CDH12: variants seen among roughly 807,000 people sequenced by gnomAD.
The protein encoded by CDH12 is cadherin-12.
Under a neutral mutation model 74.1 loss-of-function variants are expected in CDH12, and 41 were observed. The ratio of observed to expected loss-of-function variants is 0.55; its 90% CI spans 0.43 to 0.72. CDH12 has a LOEUF of 0.72. Among genes scored for constraint, CDH12 ranks in the 30% least tolerant of loss-of-function variants. CDH12 has a pLI of 0.00. For missense variants in CDH12, 945 were observed against 977.2 expected (o/e 0.97, Z 0.44); for synonymous variants, 399 against 355.0 (o/e 1.12, Z -1.39).
At chr5:22,428,474 G>GTGTA (rs1341482784) in intron 2 of CDH12, among the ~76,000 whole-genome samples, 1 of 151,986 alleles carries the variant, frequency 6.6e-6, no homozygotes, top group Non-Finnish European at 1.5e-5. Flanking sequence ...ATGTATGTGT[G>GTGTA]TGTATGTGTT....
intron 4 of CDH12, among the ~76,000 whole-genome samples, chr5:22,115,666 A>G (rs187217991): frequency 2.0e-5 from 3 of 148,258 alleles, no homozygotes; most frequent in Non-Finnish European, 4.5e-5. Flanking sequence ...TGACAAGGAT[A>G]GGCACAATTT....
chr5:21,913,053 G>A (rs942002326), intron 6 of CDH12, among the ~76,000 whole-genome samples: 5 of 152,092 alleles, frequency 3.3e-5, no homozygotes, highest in African/African-American at 1.2e-4. Flanking sequence ...ATGTTGGCCA[G>A]ACTGACCTCA....
chr5:22,492,421 C>T (rs1253705401), intron 2 of CDH12, among the ~76,000 whole-genome samples: 1 of 150,946 alleles, frequency 6.6e-6, no homozygotes, highest in Non-Finnish European at 1.5e-5. Flanking sequence ...GACTTTGGCT[C>T]ACTGCAACCT....
chr5:22,240,218 A>G (rs574502806), intron 3 of CDH12, among the ~76,000 whole-genome samples: 1 of 152,304 alleles, frequency 6.6e-6, no homozygotes, highest in African/African-American at 2.4e-5. Context: ...GTTATTTGTA[A>G]AACTGAGATA....
intron 1 of CDH12, among the ~76,000 whole-genome samples, chr5:22,510,633 C>T (rs1736562950): frequency 6.6e-6 from 1 of 152,092 alleles, no homozygotes; most frequent in South Asian, 2.1e-4. Context: ...TTGCATATAA[C>T]CTATGCACAT....
intron 6 of CDH12, among the ~76,000 whole-genome samples, chr5:21,873,786 C>A (rs1036448942): frequency 1.3e-5 from 2 of 151,946 alleles, no homozygotes; most frequent in African/African-American, 2.4e-5. Flanking sequence ...GCTCTCCCTC[C>A]CCCACCCTCC....
chr5:22,173,696 C>G (rs1749172340), intron 4 of CDH12, among the ~76,000 whole-genome samples: 1 of 151,754 alleles, frequency 6.6e-6, no homozygotes, highest in East Asian at 1.9e-4. Context: ...TATTCATATA[C>G]TAAAATTGTT....
chr5:22,416,283 G>A (rs1743387968), intron 2 of CDH12, among the ~76,000 whole-genome samples: 1 of 151,440 alleles, frequency 6.6e-6, no homozygotes, highest in South Asian at 2.1e-4. Flanking sequence ...CACCGTGTTA[G>A]CCAGGATGGT....
chr5:21,898,948 C>CTAAACT, intron 6 of CDH12, among the ~76,000 whole-genome samples: 1 of 152,030 alleles, frequency 6.6e-6, no homozygotes, highest in African/African-American at 2.4e-5. Flanking sequence ...CTTCATGGCC[C>CTAAACT]GAAACTCTGT....
chr5:22,462,425 A>C (rs760375394), intron 2 of CDH12, among the ~76,000 whole-genome samples: 9 of 152,198 alleles, frequency 5.9e-5, no homozygotes, highest in Non-Finnish European at 1.2e-4. Flanking sequence ...TTCCTGCAAC[A>C]AAGCCTGAGT....
chr5:22,548,114 G>A (rs562046452), intron 1 of CDH12, among the ~76,000 whole-genome samples: 1 of 151,960 alleles, frequency 6.6e-6, no homozygotes, highest in Non-Finnish European at 1.5e-5. Flanking sequence ...TACTTTACAG[G>A]TTCATTTGTT....
chr5:22,290,324 C>CA (rs1268254050), intron 3 of CDH12, among the ~76,000 whole-genome samples: 2 of 151,562 alleles, frequency 1.3e-5, no homozygotes, highest in South Asian at 2.1e-4. Context: ...GACTTTCTCA[C>CA]AAAAAAAATT....
intron 4 of CDH12, among the ~76,000 whole-genome samples, chr5:22,146,640 G>C (rs1376702225): frequency 6.6e-6 from 1 of 152,048 alleles, no homozygotes; most frequent in African/African-American, 2.4e-5. Flanking sequence ...ATCATTTATA[G>C]GTCTTATTTT....
intron 5 of CDH12, among the ~76,000 whole-genome samples, chr5:22,023,579 CTA>C (rs531676415): frequency 1.5e-4 from 22 of 148,330 alleles, no homozygotes; most frequent in Admixed American, 2.0e-4. Context: ...TTCTCTCTCT[CTA>C]TATATATATA....
At chr5:22,726,658 A>C (rs1326832438) in intron 1 of CDH12, among the ~76,000 whole-genome samples, 1 of 151,938 alleles carries the variant, frequency 6.6e-6, no homozygotes, top group South Asian at 2.1e-4. Flanking sequence ...CCATTGTTAT[A>C]AGTGTGTAGT....
At chr5:22,562,075 T>G (rs1171654638) in intron 1 of CDH12, among the ~76,000 whole-genome samples, 2 of 152,196 alleles carry the variant, frequency 1.3e-5, no homozygotes, top group Non-Finnish European at 1.5e-5. Context: ...CCCAGCACTT[T>G]GGGAGGCCGA....
intron 1 of CDH12, among the ~76,000 whole-genome samples, chr5:22,637,705 CGTT>C (rs1261921470): frequency 2.0e-5 from 3 of 152,142 alleles, no homozygotes; most frequent in Non-Finnish European, 4.4e-5. Flanking sequence ...TGGACATAAA[CGTT>C]GTTTATCTTC....
At chr5:22,788,985 T>C (rs1340090747) in intron 1 of CDH12, among the ~76,000 whole-genome samples, 1 of 151,896 alleles carries the variant, frequency 6.6e-6, no homozygotes, top group African/African-American at 2.4e-5. Context: ...TCAAAAAAAC[T>C]TTAAATTAGA....
intron 1 of CDH12, among the ~76,000 whole-genome samples, chr5:22,698,717 ATATATATATATATATATAGTGTGT>A (rs1388319252): frequency 0.27 from 8,160 of 30,634 alleles, 1,475 homozygotes; most frequent in East Asian, 0.43. Context: ...ATATATATAT[ATATATATATATATATATAGTGTGT>A]GTGTGTGTGT....
Sources: gnomAD v4.1 joint callset for allele counts (sites outside exome capture counted in the v4.1 genomes callset) on GRCh38, gnomAD v4.1.1 for gene constraint, MANE v1.5 for transcripts, NCBI Gene and HGNC (gene_info 2026-07-23, HGNC 2026-07-21) for gene names.